ZNF605: variants seen among roughly 807,000 people sequenced by gnomAD.
The protein encoded by ZNF605 is zinc finger protein 605.
In ZNF605, 9 loss-of-function variants were observed where a neutral mutation model predicts 7.9. The ratio of observed to expected loss-of-function variants is 1.14; its 90% CI spans 0.68 to 1.98. ZNF605 has a LOEUF of 1.98. ZNF605 is among the 30% of genes most tolerant of loss of function. The pLI, the probability that ZNF605 is intolerant of heterozygous loss-of-function variation, is 0.00. For synonymous variants in ZNF605, 255 were observed against 260.1 expected, an observed-to-expected ratio of 0.98 and a Z score of 0.19; for missense variants, 673 against 762.4, an observed-to-expected ratio of 0.88 and a Z score of 1.38.
chr12:132,948,350 C>G (rs1029934082), intron 1 of ZNF605, 80 bp from the exon 2 acceptor site: 17 of 152,234 alleles, frequency 1.1e-4, no homozygotes, highest in African/African-American at 3.9e-4. Context: ...CGTAGCAATC[C>G]TGCCAAGCAA....
At position 132,941,422 on chromosome 12, in the gene ZNF605, A is replaced by T. The variant is rs1593595015; in HGVS notation, c.15+4199T>A. ...GTTTCCTTGTGGTTTGGCCCAGCCA[A>T]CCCCACACATTCCACTGACTTGGGC... is the stretch of plus-strand genomic sequence containing the variant. On this transcript the variant is annotated intron_variant, in intron 3 of 4. Coordinates refer to ENST00000360187, the MANE Select transcript of ZNF605 (RefSeq NM_183238.4). This position sits in a 1 kb window ranked among gnomAD's most constrained non-coding sequence, Gnocchi z 5.1. Among the ~76,000 whole-genome samples the T allele has an allele frequency of 6.6e-6, 1 of 151,880 alleles. No individual in the cohort carries two copies. Among genetic ancestry groups the T allele is most frequent in the Non-Finnish European group, 1.5e-5 (1 of 67,972 alleles).
chr12:132,927,134 C>A lies in ZNF605; in HGVS notation c.165G>T (p.Trp55Cys), dbSNP rs1345862716. The A allele has an allele frequency of 6.4e-7, 1 of 1,567,790 alleles. No individual in the cohort carries two copies. The highest frequency in any genetic ancestry group is 8.6e-7 in the Non-Finnish European group (1 of 1,167,844). The change falls in exon 5 of 5, where the codon TGG (tryptophan) becomes TGT (cysteine). Residue 55 changes from tryptophan (W) to cysteine (C), a missense_variant. Trp to Cys is a radical substitution (Grantham distance 215). Coordinates refer to ENST00000360187, the MANE Select transcript of ZNF605 (RefSeq NM_183238.4). ...LEVWLDNPKM[W>C]LRDNQDNLKS... ...TAAGGTTGTCTTGATTATCTCGGAGCCACATTTTGGGATTATCTAGCCAGA... is the reference window on the plus strand; with the variant it reads ...TAAGGTTGTCTTGATTATCTCGGAGACACATTTTGGGATTATCTAGCCAGA...
At chr12:132,940,447 C>T (rs1184517682) in intron 3 of ZNF605, among the ~76,000 whole-genome samples, 2 of 152,180 alleles carry the variant, frequency 1.3e-5, no homozygotes, top group Non-Finnish European at 2.9e-5. Flanking sequence ...ACTGCCCTCC[C>T]CACAACGGAC....
In ZNF605 at chr12:132,933,907, C is replaced by T. The variant is rs1952331451; in HGVS notation, c.16-752G>A. ...CCATTCTTAGGTAAGGAATACTGTTCCATGCAGTTGAGCCCTTCAGCATGC... is the reference window on the plus strand; with the variant it reads ...CCATTCTTAGGTAAGGAATACTGTTTCATGCAGTTGAGCCCTTCAGCATGC... On this transcript the variant is annotated intron_variant, in intron 3 of 4. Coordinates refer to ENST00000360187, the MANE Select transcript of ZNF605 (RefSeq NM_183238.4). The surrounding 1 kb of genome is among the most constrained non-coding windows in gnomAD (Gnocchi z 4.4). Among the ~76,000 whole-genome samples, 1 of 152,212 alleles carries T rather than the reference C, an allele frequency of 6.6e-6. No homozygotes were observed. The highest frequency in any genetic ancestry group is 2.4e-5 in the African/African-American group (1 of 41,454).
Position 132,926,513 on chromosome 12 carries a change from G to GC in ZNF605, c.785_786insG (p.Phe262LeufsTer3). 6.2e-7 allele frequency: 1 copy of GC among 1,614,132 alleles called. No homozygotes were observed. Among genetic ancestry groups the GC allele is most frequent in the South Asian group, 1.1e-5 (1 of 91,078 alleles). On this transcript the variant is annotated frameshift_variant, in exon 5 of 5. Coordinates refer to ENST00000360187, the MANE Select transcript of ZNF605 (RefSeq NM_183238.4). LOFTEE classifies it low-confidence loss of function (END_TRUNC). Reference sequence around the variant, plus strand: ...GTCTTTTAAGCTGCGACTTCCTACTGAAGGCTTTTCCACATTCACTGCATC... The same window carrying GC: ...GTCTTTTAAGCTGCGACTTCCTACTGCAAGGCTTTTCCACATTCACTGCATC...
At chr12:132,951,547 T>C (rs1952567315) in intron 1 of ZNF605, among the ~76,000 whole-genome samples, 1 of 143,992 alleles carries the variant, frequency 6.9e-6, no homozygotes, top group East Asian at 2.1e-4. Context: ...CACACACACA[T>C]ACACACACTG....
In ZNF605 at chr12:132,926,665, G is replaced by A. The variant is rs1952250978; in HGVS notation, c.634C>T (p.Leu212Phe). 6.2e-7 allele frequency: 1 copy of A among 1,614,034 alleles called. No homozygotes were observed. The highest frequency in any genetic ancestry group is 1.3e-5 in the African/African-American group (1 of 74,902). Residue 212 changes from leucine to phenylalanine, a missense_variant, in exon 5 of 5, where the codon CTC becomes TTC. Coordinates refer to ENST00000360187, the MANE Select transcript of ZNF605 (RefSeq NM_183238.4). ...GAGTGAGTTCTTTGATGAACCGTGA[G>A]CAGTGACTTCTGTGAAAAGGCTTTT... ...CGKAFSQKSL[L>F]TVHQRTHSGE...
chr12:132,951,457 C>A (rs1375067589), intron 1 of ZNF605, among the ~76,000 whole-genome samples: 1 of 148,342 alleles, frequency 6.7e-6, no homozygotes, highest in African/African-American at 2.4e-5. Flanking sequence ...TACATATACA[C>A]ACTCAGACAT....
chr12:132,954,366 G>C (rs1418959203), intron 1 of ZNF605, among the ~76,000 whole-genome samples: 1 of 85,384 alleles, frequency 1.2e-5, no homozygotes, highest in Non-Finnish European at 2.2e-5. Flanking sequence ...GGTGGGGAGC[G>C]GGGGAGAAGG....
intron 3 of ZNF605, among the ~76,000 whole-genome samples, chr12:132,939,136 C>G (rs1473897476): frequency 6.6e-6 from 1 of 151,954 alleles, no homozygotes; most frequent in Admixed American, 6.5e-5. Context: ...CTGAGGAATG[C>G]GAGCGCACAG....
In ZNF605 at chr12:132,919,379, CTT is replaced by C. The variant is rs1175837282; in HGVS notation, c.*5992_*5993del. 46 of 94,032 alleles carry C rather than the reference CTT, an allele frequency of 4.9e-4. No homozygotes were observed. The highest frequency in any genetic ancestry group is 1.7e-3 in the African/African-American group (39 of 22,722). 5.8% of individuals were successfully genotyped at this position (94,032 alleles called of 1,614,324 possible). A position where few individuals can be genotyped will look rare whatever the true frequency, so the allele number is the denominator to read the frequency against. Reference sequence around the variant, plus strand: ...AGCCACCACATCTGGCCAGTAATGCCTTTTTTTTTTTTTTTTTTTTTTTTGAG... The same window carrying C: ...AGCCACCACATCTGGCCAGTAATGCCTTTTTTTTTTTTTTTTTTTTTTGAG... On this transcript the variant is annotated 3_prime_UTR_variant, in exon 5 of 5. Transcript: ENST00000360187.
chr12:132,948,787 C>T (rs1285871119), intron 1 of ZNF605, among the ~76,000 whole-genome samples: 4 of 152,222 alleles, frequency 2.6e-5, no homozygotes, highest in African/African-American at 7.2e-5. Context: ...TCCCACGTAC[C>T]CCAGAGGCTG....
At chr12:132,951,640 ACT>A (rs1952569076) in intron 1 of ZNF605, among the ~76,000 whole-genome samples, 1 of 151,692 alleles carries the variant, frequency 6.6e-6, no homozygotes, top group Non-Finnish European at 1.5e-5. Flanking sequence ...GTACAGATAC[ACT>A]GATGCACACG....
rs1222305588 is a variant in ZNF605 at position 132,920,446 on chromosome 12, T to C, written c.*4927A>G. 6.6e-6 allele frequency: 1 copy of C among 152,244 alleles called. No homozygotes were observed. The highest frequency in any genetic ancestry group is 1.5e-5 in the Non-Finnish European group (1 of 68,068). 9.4% of individuals were successfully genotyped at this position (152,244 alleles called of 1,614,324 possible). A position where few individuals can be genotyped will look rare whatever the true frequency, so the allele number is the denominator to read the frequency against. The stretch of plus-strand genomic sequence containing the variant: ...GAGCCACCGCGCCTGGCCTGGTTTA[T>C]TTAATGTTAGCATTCTGACAAGATG... On this transcript the variant is annotated 3_prime_UTR_variant, in exon 5 of 5. Coordinates refer to ENST00000360187, the MANE Select transcript of ZNF605 (RefSeq NM_183238.4).
At position 132,925,503 on chromosome 12, in the gene ZNF605, G is replaced by C; in HGVS notation, c.1796C>G (p.Thr599Arg). ...ATGCCTCATAAGGTGTGACTTTCTTGTGAAAGATTTCCCACATTCACCACA... is the reference window on the plus strand; with the variant it reads ...ATGCCTCATAAGGTGTGACTTTCTTCTGAAAGATTTCCCACATTCACCACA... ...YKCGECGKSF[T>R]RKSHLMRHQR... The change falls in exon 5 of 5, where the codon ACA becomes AGA. Residue 599 changes from threonine (T) to arginine (R), a missense_variant. Coordinates refer to ENST00000360187, the MANE Select transcript of ZNF605 (RefSeq NM_183238.4). The C allele has an allele frequency of 6.2e-7, 1 of 1,614,072 alleles. No homozygotes were observed. The highest frequency in any genetic ancestry group is 8.5e-7 in the Non-Finnish European group (1 of 1,179,992).
At chr12:132,952,518 C>A (rs1327814017) in intron 1 of ZNF605, among the ~76,000 whole-genome samples, 1 of 151,632 alleles carries the variant, frequency 6.6e-6, no homozygotes, top group Non-Finnish European at 1.5e-5. Flanking sequence ...GATATTCCTC[C>A]CAGACGTCGT....
Position 132,925,393 on chromosome 12 carries a change from G to A in ZNF605, c.1906C>T (p.Gln636Ter), listed in dbSNP as rs1228049547. The change falls in exon 5 of 5, where the codon CAG becomes TAG. Residue 636 changes from glutamine (Q) to a stop codon, truncating the protein, a stop_gained. Transcript: ENST00000360187. LOFTEE classifies it high-confidence loss of function. ...GATTTTTATATTATATGATTTCTCT[G>A]ATGTATCATAAGCTGCGACTTCCTG... ...FNRKSQLMIHQRNHII is the reference protein window; with the variant it reads ...FNRKSQLMIH The A allele has an allele frequency of 6.3e-7, 1 of 1,588,704 alleles. No homozygotes were observed. The highest frequency in any genetic ancestry group is 8.6e-7 in the Non-Finnish European group (1 of 1,167,164).
chr12:132,929,227 G>A (rs1952280809), intron 4 of ZNF605, among the ~76,000 whole-genome samples: 1 of 151,016 alleles, frequency 6.6e-6, no homozygotes, highest in African/African-American at 2.4e-5. Context: ...GGCCAACATG[G>A]TGAAACCCCA....
At position 132,952,068 on chromosome 12, in the gene ZNF605, C is replaced by T. The variant is rs958075869; in HGVS notation, c.-285-3798G>A. Among the ~76,000 whole-genome samples, 6 of 152,066 alleles carry T rather than the reference C, an allele frequency of 3.9e-5. No homozygotes were observed. In the East Asian group the frequency reaches 9.6e-4, roughly 24 times the overall value. ...CACACCAGGCACTGTTCTGAGCACACGGGAAAGACCACTCAACAAGATGTA... is the reference window on the plus strand; with the variant it reads ...CACACCAGGCACTGTTCTGAGCACATGGGAAAGACCACTCAACAAGATGTA... On this transcript the variant is annotated intron_variant, in intron 1 of 4. Transcript: ENST00000360187.
Sources: gnomAD v4.1 joint callset for allele counts (sites outside exome capture counted in the v4.1 genomes callset) on GRCh38, gnomAD v4.1.1 for gene constraint, Gnocchi (gnomAD v3.1) non-coding constraint, MANE v1.5 for transcripts, NCBI Gene and HGNC (gene_info 2026-07-23, HGNC 2026-07-21) for gene names.